Variants in ASB3 observed in about 807,000 individuals in gnomAD.
ASB3 encodes ankyrin repeat and SOCS box containing 3.
In ASB3, 41 loss-of-function variants were observed where a neutral mutation model predicts 54.5. The ratio of observed to expected loss-of-function variants is 0.75; its 90% CI spans 0.59 to 0.98. ASB3 has a LOEUF of 0.98. Among genes scored for constraint, ASB3 ranks in the 50% least tolerant of loss-of-function variants. The probability of loss-of-function intolerance (pLI) is 0.00; values close to 1 mark genes in which losing one functional copy is unlikely to be tolerated. For synonymous variants in ASB3, 266 were observed against 221.2 expected (o/e 1.20, Z -1.80); for missense variants, 733 against 620.0 (o/e 1.18, Z -1.94).
chr2:53,749,530 A>C (rs1672406044), intron 3 of ASB3, among the ~76,000 whole-genome samples: 1 of 152,124 alleles, frequency 6.6e-6, no homozygotes, highest in African/African-American at 2.4e-5. Context: ...CGTAACCACT[A>C]AACAGTGAAA....
intron 1 of ASB3, among the ~76,000 whole-genome samples, chr2:53,777,658 T>C (rs1022417881): frequency 1.3e-5 from 2 of 152,190 alleles, no homozygotes; most frequent in African/African-American, 4.8e-5. Flanking sequence ...TACCTCCCTG[T>C]ACATAATACA....
At chr2:53,683,784 T>C (rs1187646033) in intron 9 of ASB3, among the ~76,000 whole-genome samples, 2 of 152,176 alleles carry the variant, frequency 1.3e-5, no homozygotes, top group African/African-American at 2.4e-5. Flanking sequence ...AATGATCCTT[T>C]GAATTTCTAC....
At chr2:53,705,472 T>A (rs1188619658) in intron 7 of ASB3, among the ~76,000 whole-genome samples, 1 of 152,194 alleles carries the variant, frequency 6.6e-6, no homozygotes, top group African/African-American at 2.4e-5. Flanking sequence ...CACCTTTACT[T>A]TTCTTTTTCT....
At chr2:53,753,652 GT>G (rs201461638) in intron 2 of ASB3, among the ~76,000 whole-genome samples, 43 of 144,690 alleles carry the variant, frequency 3.0e-4, no homozygotes, top group South Asian at 1.5e-3. Flanking sequence ...CTTTCTTTCT[GT>G]TTTTTTTTTT....
Position 53,714,791 on chromosome 2 carries a change from G to C in ASB3, c.783-210C>G, listed in dbSNP as rs568222544. Among the ~76,000 whole-genome samples the C allele has an allele frequency of 6.6e-4, 100 of 152,002 alleles. 1 individual carries two copies. Among genetic ancestry groups the C allele is most frequent in the South Asian group, 1.0e-3 (5 of 4,822 alleles). ...TACACTTATTATTGCTTAATAAAAA[G>C]GTCTTTAAATACATTTGAAACAAAA... On this transcript the variant is annotated intron_variant, in intron 6 of 9. Transcript: ENST00000263634.
At chr2:53,766,561 A>G (rs1340166422) in intron 1 of ASB3, among the ~76,000 whole-genome samples, 1 of 152,232 alleles carries the variant, frequency 6.6e-6, no homozygotes, top group Non-Finnish European at 1.5e-5. Flanking sequence ...GTAAAATGTC[A>G]TAACACAAGC....
rs1672475603 is a variant in ASB3 at position 53,750,860 on chromosome 2, T to A, written c.278A>T (p.Lys93Ile). 6.2e-7 allele frequency: 1 copy of A among 1,603,412 alleles called. No homozygotes were observed. The highest frequency in any genetic ancestry group is 1.7e-5 in the Admixed American group (1 of 58,736). ...AGCTTCTAAAAGAATCTGTACGATTTTCCAATGTCCTTGACTTGCAGCGAG... is the reference window on the plus strand; with the variant it reads ...AGCTTCTAAAAGAATCTGTACGATTATCCAATGTCCTTGACTTGCAGCGAG... ...LHLAASQGHWKIVQILLEAGA... is the reference protein window; with the variant it reads ...LHLAASQGHWIIVQILLEAGA... The change falls in exon 3 of 10, where the codon AAA (lysine) becomes ATA (isoleucine). Residue 93 changes from lysine (K) to isoleucine (I), a missense_variant. Physicochemically the swap from Lys to Ile is moderately radical, Grantham distance 102 (BLOSUM62 -3). Transcript: ENST00000263634.
At chr2:53,712,775 C>T (rs776385002) in intron 7 of ASB3, among the ~76,000 whole-genome samples, 28 of 152,162 alleles carry the variant, frequency 1.8e-4, no homozygotes, top group East Asian at 7.8e-4. Flanking sequence ...CACAGGCGCG[C>T]GCGCGCGCGC....
intron 3 of ASB3, among the ~76,000 whole-genome samples, chr2:53,745,556 G>A (rs3770393): frequency 0.33 from 49,936 of 152,024 alleles, 8,552 homozygotes; most frequent in East Asian, 0.47. Flanking sequence ...TTTATGTTCA[G>A]TCATAATCAG....
chr2:53,722,014 G>C (rs1238406272), intron 5 of ASB3, among the ~76,000 whole-genome samples: 4 of 151,938 alleles, frequency 2.6e-5, no homozygotes, highest in Admixed American at 2.6e-4. Context: ...CATTACAATA[G>C]ATTCTACAAA....
intron 2 of ASB3, among the ~76,000 whole-genome samples, chr2:53,762,399 A>C (rs1348846067): frequency 6.6e-6 from 1 of 152,222 alleles, no homozygotes; most frequent in East Asian, 1.9e-4. Context: ...AAAATGGTAG[A>C]GTCACTAGAA....
chr2:53,723,004 A>G (rs1558539683), intron 5 of ASB3, among the ~76,000 whole-genome samples: 1 of 152,202 alleles, frequency 6.6e-6, no homozygotes. Context: ...TCAGGTTACA[A>G]AATCAATGTA....
chr2:53,765,326 T>C (rs1263232927), intron 2 of ASB3, 51 bp downstream of exon 2: 1 of 1,608,636 alleles, frequency 6.2e-7, no homozygotes, highest in Non-Finnish European at 8.5e-7. Flanking sequence ...TTTTTTATGT[T>C]TTATTAATCC....
At chr2:53,711,648 C>A (rs2103820875) in intron 7 of ASB3, among the ~76,000 whole-genome samples, 1 of 152,236 alleles carries the variant, frequency 6.6e-6, no homozygotes, top group African/African-American at 2.4e-5. Context: ...GTGGCACATG[C>A]CTACAATCCC....
At chr2:53,734,675 T>C (rs1269692151) in intron 3 of ASB3, among the ~76,000 whole-genome samples, 5 of 152,328 alleles carry the variant, frequency 3.3e-5, no homozygotes, top group South Asian at 2.1e-4. Context: ...TCAAATTCAA[T>C]GGCCTTTTCT....
chr2:53,689,927 T>C (rs1668819787), intron 9 of ASB3, among the ~76,000 whole-genome samples: 1 of 152,132 alleles, frequency 6.6e-6, no homozygotes, highest in Non-Finnish European at 1.5e-5. Flanking sequence ...CATTGCTATG[T>C]ACTACTACTA....
At chr2:53,678,435 A>G (rs1668197883) in intron 9 of ASB3, among the ~76,000 whole-genome samples, 1 of 152,244 alleles carries the variant, frequency 6.6e-6, no homozygotes, top group African/African-American at 2.4e-5. Context: ...CACTTTTAAT[A>G]TTATCTACAG....
chr2:53,778,149 C>CAAAAAAAAAAAAAAAAAAAAAAAA (rs34356077), intron 1 of ASB3, among the ~76,000 whole-genome samples: 1 of 62,632 alleles, frequency 1.6e-5, no homozygotes, highest in African/African-American at 5.0e-5. Context: ...ATTCTTGTCT[C>CAAAAAAAAAAAAAAAAAAAAAAAA]AAAAAAAAAA....
chr2:53,709,952 A>G (rs1669997794), intron 7 of ASB3, among the ~76,000 whole-genome samples: 1 of 152,116 alleles, frequency 6.6e-6, no homozygotes, highest in Non-Finnish European at 1.5e-5. Flanking sequence ...TCCTGTGGGG[A>G]GGCTTTTATA....
Sources: allele counts gnomAD v4.1 joint callset (sites outside exome capture counted in the v4.1 genomes callset), GRCh38; gene constraint gnomAD v4.1.1; transcripts MANE v1.5; gene names NCBI Gene and HGNC (gene_info 2026-07-23, HGNC 2026-07-21).